Variants in SCAMP4 observed in about 807,000 individuals in gnomAD.
SCAMP4 encodes the protein secretory carrier-associated membrane protein 4.
SCAMP4 carries 19 observed loss-of-function variants against 32.1 expected under a neutral mutation model. The ratio of observed to expected loss-of-function variants is 0.59; its 90% confidence interval spans 0.41 to 0.87. The LOEUF is 0.87. Ranked by LOEUF, SCAMP4 falls within the 40% of genes least tolerant of loss-of-function variation. The pLI is 0.00. For missense variants in SCAMP4, 302 were observed against 309.0 expected (o/e 0.98, Z 0.17); for synonymous variants, 152 against 132.7 (o/e 1.15, Z -1.00).
chr19:1,915,383 C>A, intron 2 of SCAMP4: 1 of 353,848 alleles, frequency 2.8e-6, no homozygotes, highest in South Asian at 3.1e-5. Context: ...GGCGTAAGCC[C>A]CTGAGGACAG....
At chr19:1,919,316 A>G in intron 5 of SCAMP4, 4 of 1,190,944 alleles carry the variant, frequency 3.4e-6, no homozygotes, top group African/African-American at 1.6e-5. Flanking sequence ...TCTGGGAGCC[A>G]GTTCCTGGCT....
rs375477623 is a variant in SCAMP4, at chr19:1,918,113, C to T, written c.137-14C>T. The T allele has an allele frequency of 1.2e-6, 2 of 1,603,340 alleles. No homozygotes were observed. The highest frequency in any genetic ancestry group is 8.5e-7 in the Non-Finnish European group (1 of 1,173,578). ...TCCCGTGCCTGCTCATCCGTCCTCC[C>T]TCTCTCTTCGCAGTTTACTGCGCCA... On this transcript the variant is annotated splice_polypyrimidine_tract_variant and intron_variant, in intron 3 of 6. Transcript: ENST00000316097.
chr19:1,922,593 T>G, intron 5 of SCAMP4: 1 of 985,454 alleles, frequency 1.0e-6, no homozygotes, highest in Non-Finnish European at 1.2e-6. Context: ...AGATTTTCCA[T>G]CCGCATTGCT....
rs909838232 is a variant in SCAMP4 at position 1,918,769 on chromosome 19, A to G, written c.294-120A>G. 15 of 1,431,360 alleles carry G rather than the reference A, an allele frequency of 1.0e-5. No individual in the cohort carries two copies. The African/African-American group carries it at 2.2e-4, about 21-fold the overall frequency. The allele number at this position is 1,431,360 out of a possible 1,614,324, so 88.7% of individuals were successfully genotyped here. On this transcript the variant is annotated intron_variant, in intron 4 of 6. Coordinates refer to ENST00000316097, the MANE Select transcript of SCAMP4 (RefSeq NM_079834.4). ...AGAGTGAGACTCCATCTCAAAAAAA[A>G]AAAAAAAGGAATAAAATAGAGCCTC...
chr19:1,912,788 C>T (rs1720762774), intron 1 of SCAMP4: 4 of 1,570,150 alleles, frequency 2.5e-6, no homozygotes, highest in South Asian at 1.1e-5. Flanking sequence ...GCGTGGACCT[C>T]GTGGCGCGCG....
At chr19:1,922,903 C>A in intron 5 of SCAMP4, 167 bp from the exon 6 acceptor site, 1 of 1,335,222 alleles carries the variant, frequency 7.5e-7, no homozygotes, top group Non-Finnish European at 9.6e-7. Context: ...GAAGTTGGTG[C>A]CTCTCAGTAT....
rs1902905404 is a variant in SCAMP4 at position 1,924,948 on chromosome 19, G to A, written c.*664G>A. 1 of 152,496 alleles carries A rather than the reference G, an allele frequency of 6.6e-6. No homozygotes were observed. The highest frequency in any genetic ancestry group is 2.4e-5 in the African/African-American group (1 of 41,426). The allele number at this position is 152,496 out of a possible 1,614,324, so 9.4% of individuals were successfully genotyped here. On this transcript the variant is annotated 3_prime_UTR_variant, in exon 7 of 7. Transcript: ENST00000316097. Reference sequence around the variant, plus strand: ...CCCTGCCTCCAAAACAGGGATCCCTGGCAGGCTGTCTTTCCACGCCCCTGA... The same window carrying A: ...CCCTGCCTCCAAAACAGGGATCCCTAGCAGGCTGTCTTTCCACGCCCCTGA...
chr19:1,917,414 C>T (rs966875871), intron 2 of SCAMP4, among the ~76,000 whole-genome samples: 2 of 152,224 alleles, frequency 1.3e-5, no homozygotes, highest in Admixed American at 6.5e-5. Flanking sequence ...CCGCCTTGCC[C>T]AGCGTCTAGA....
chr19:1,918,987 C>T lies in SCAMP4; in HGVS notation c.392C>T (p.Ala131Val), dbSNP rs751316524. 9 of 1,604,712 alleles carry T rather than the reference C, an allele frequency of 5.6e-6. No homozygotes were observed. Among genetic ancestry groups the T allele is most frequent in the Non-Finnish European group, 7.7e-6 (9 of 1,175,728 alleles). ...GCGATTGGCTTCTCCGGCTGGGGCGCGTGGTAAGCCTCTCTCTGATGGGCG... is the reference window on the plus strand; with the variant it reads ...GCGATTGGCTTCTCCGGCTGGGGCGTGTGGTAAGCCTCTCTCTGATGGGCG... ...IQAIGFSGWG[A>V]CGWLSAIGFF... The change falls in exon 5 of 7, where the codon GCG becomes GTG. Residue 131 changes from alanine to valine, a missense_variant. Coordinates refer to ENST00000316097, the MANE Select transcript of SCAMP4 (RefSeq NM_079834.4).
At chr19:1,911,536 A>G (rs1414735086) in intron 1 of SCAMP4, among the ~76,000 whole-genome samples, 3 of 152,182 alleles carry the variant, frequency 2.0e-5, no homozygotes, top group Non-Finnish European at 2.9e-5. Flanking sequence ...CTGTAATCCC[A>G]CCACCAGGTT....
intron 2 of SCAMP4, among the ~76,000 whole-genome samples, chr19:1,916,729 A>G (rs1448396833): frequency 1.3e-5 from 2 of 152,210 alleles, no homozygotes; most frequent in Non-Finnish European, 2.9e-5. Context: ...AAGTGCTGAG[A>G]TCACAGGTGG....
At chr19:1,915,806 C>T (rs1178226718) in intron 2 of SCAMP4, among the ~76,000 whole-genome samples, 6 of 151,804 alleles carry the variant, frequency 4.0e-5, no homozygotes, top group East Asian at 3.9e-4. Flanking sequence ...ATTAGCTGGG[C>T]GTGGTGGCGG....
At chr19:1,913,247 G>A in intron 1 of SCAMP4, 2 of 1,431,260 alleles carry the variant, frequency 1.4e-6, no homozygotes, top group South Asian at 1.5e-5. Flanking sequence ...AAGCCTGACC[G>A]TGGATTTCAG....
At position 1,908,929 on chromosome 19, in the gene SCAMP4, A is replaced by G. The variant is rs1442819432; in HGVS notation, c.-42+3490A>G. On this transcript the variant is annotated intron_variant, in intron 1 of 6. Transcript: ENST00000316097. The surrounding 1 kb of genome is among the most constrained non-coding windows in gnomAD (Gnocchi z 4.2). ...AGACCAGCCTGGCCAACATGGTGGAACCCCGTCTCTACTGAAAATACAAAA... is the reference window on the plus strand; with the variant it reads ...AGACCAGCCTGGCCAACATGGTGGAGCCCCGTCTCTACTGAAAATACAAAA... 1.3e-5 allele frequency among the ~76,000 whole-genome samples: 2 copies of G among 151,808 alleles called. No homozygotes were observed. Among genetic ancestry groups the G allele is most frequent in the Admixed American group, 1.3e-4 (2 of 15,228 alleles).
intron 2 of SCAMP4, 104 bp from the exon 3 acceptor site, chr19:1,917,590 C>T: frequency 7.7e-7 from 1 of 1,303,226 alleles, no homozygotes; most frequent in Non-Finnish European, 1.1e-6. Context: ...CTGCAGAGTC[C>T]CTTCTGCCAT....
intron 1 of SCAMP4, among the ~76,000 whole-genome samples, chr19:1,910,812 T>G (rs998307703): frequency 2.0e-5 from 3 of 151,872 alleles, no homozygotes; most frequent in Non-Finnish European, 4.4e-5. Flanking sequence ...CGTGGCCTCA[T>G]GATCTGCCCG....
At chr19:1,920,172 A>T (rs937409807) in intron 5 of SCAMP4, 37 of 985,316 alleles carry the variant, frequency 3.8e-5, no homozygotes, top group Non-Finnish European at 4.3e-5. Flanking sequence ...TCAGTTGCAG[A>T]GAGTGACTGT....
intron 5 of SCAMP4, chr19:1,921,574 G>A (rs1599256136): frequency 3.0e-6 from 3 of 985,338 alleles, no homozygotes; most frequent in South Asian, 4.7e-5. Context: ...ATGCGGGGGC[G>A]TGCGATGCTG....
At position 1,921,699 on chromosome 19, in the gene SCAMP4, C is replaced by T. The variant is rs1179837424; in HGVS notation, c.396-1371C>T. 5.1e-6 allele frequency: 5 copies of T among 985,092 alleles called. No homozygotes were observed. The African/African-American group carries it at 5.2e-5, about 10-fold the overall frequency. The allele number at this position is 985,092 out of a possible 1,614,324, so 61.0% of individuals were successfully genotyped here. ...TACTTTTTTAAAAAATAAAAGAGGC[C>T]AGGCATGGTGGCTGACGCCTGTAAT... is the stretch of plus-strand genomic sequence containing the variant. On this transcript the variant is annotated intron_variant, in intron 5 of 6. Coordinates refer to ENST00000316097, the MANE Select transcript of SCAMP4 (RefSeq NM_079834.4).
Sources: gnomAD v4.1 joint callset for allele counts (sites outside exome capture counted in the v4.1 genomes callset) on GRCh38, gnomAD v4.1.1 for gene constraint, Gnocchi (gnomAD v3.1) non-coding constraint, MANE v1.5 for transcripts, NCBI Gene and HGNC (gene_info 2026-07-23, HGNC 2026-07-21) for gene names.